The following GNA14 variants were observed in gnomAD, a reference collection of about 807,000 sequenced individuals.
The protein encoded by GNA14 is guanine nucleotide-binding protein subunit alpha-14.
A neutral mutation model predicts 42.0 loss-of-function variants in GNA14; 50 were observed. That is an observed-to-expected ratio of 1.19 (90% CI 0.95 to 1.51). GNA14 has a LOEUF of 1.51. Among genes scored for constraint, GNA14 ranks in the 40% most tolerant of loss-of-function variants. The pLI is 0.00. For missense variants in GNA14, 473 were observed against 446.2 expected (o/e 1.06, Z -0.54); for synonymous variants, 173 against 163.1 (o/e 1.06, Z -0.46).
chr9:77,477,605 T>G (rs2131725860), intron 2 of GNA14, among the ~76,000 whole-genome samples: 1 of 152,276 alleles, frequency 6.6e-6, no homozygotes, highest in South Asian at 2.1e-4. Flanking sequence ...AGTGCCTTGC[T>G]TCTAAGAAAG....
chr9:77,601,640 G>A (rs565584300), intron 1 of GNA14, among the ~76,000 whole-genome samples: 13 of 152,360 alleles, frequency 8.5e-5, no homozygotes, highest in Admixed American at 2.6e-4. Flanking sequence ...AGGAAGAGCA[G>A]TAAAATAATT....
rs574538365 is a variant in GNA14, at chr9:77,549,695, A to G, written c.125-20442T>C. Among the ~76,000 whole-genome samples the G allele has an allele frequency of 2.0e-5, 3 of 152,246 alleles. No homozygotes were observed. In the East Asian group the frequency reaches 5.8e-4, roughly 29 times the overall value. ...GACAATGTCCTACAATGGCTCTCCTATTCTGGGGCTCTTGGCGCCACCCTA... is the reference window on the plus strand; with the variant it reads ...GACAATGTCCTACAATGGCTCTCCTGTTCTGGGGCTCTTGGCGCCACCCTA... On this transcript the variant is annotated intron_variant, in intron 1 of 6. Coordinates refer to ENST00000341700, the MANE Select transcript of GNA14 (RefSeq NM_004297.4).
At chr9:77,558,921 A>G (rs1822833057) in intron 1 of GNA14, among the ~76,000 whole-genome samples, 1 of 131,686 alleles carries the variant, frequency 7.6e-6, no homozygotes, top group Non-Finnish European at 1.5e-5. Context: ...GTGTTAAAAA[A>G]CAAAAAACAA....
intron 2 of GNA14, among the ~76,000 whole-genome samples, chr9:77,511,268 G>A (rs555257057): frequency 1.1e-4 from 16 of 152,116 alleles, no homozygotes; most frequent in African/African-American, 3.6e-4. Context: ...TAGCCATAAA[G>A]GTACAATTTC....
intron 1 of GNA14, chr9:77,580,404 G>A: frequency 3.2e-6 from 1 of 310,674 alleles, no homozygotes; most frequent in Non-Finnish European, 6.8e-6. Flanking sequence ...TGCCATTGTG[G>A]AGAAGTTGTC....
chr9:77,464,076 C>T (rs1836167181), intron 2 of GNA14, among the ~76,000 whole-genome samples: 1 of 152,070 alleles, frequency 6.6e-6, no homozygotes, highest in African/African-American at 2.4e-5. Flanking sequence ...TCTCAGGTCA[C>T]TGCAACCTCA....
In GNA14 at chr9:77,488,626, T is replaced by A. The variant is rs946083223; in HGVS notation, c.309+40443A>T. 4.6e-5 allele frequency among the ~76,000 whole-genome samples: 7 copies of A among 152,084 alleles called. No homozygotes were observed. In the South Asian group the frequency reaches 1.5e-3, roughly 32 times the overall value. On this transcript the variant is annotated intron_variant, in intron 2 of 6. Coordinates refer to ENST00000341700, the MANE Select transcript of GNA14 (RefSeq NM_004297.4). ...ACTACTAAGAATCCCATTTGGGACC[T>A]CACCCATTCAGATGGGCAGCACTCT...
chr9:77,604,886 T>C (rs1823625266), intron 1 of GNA14, among the ~76,000 whole-genome samples: 1 of 152,242 alleles, frequency 6.6e-6, no homozygotes, highest in Non-Finnish European at 1.5e-5. Flanking sequence ...ATTCCAGTCC[T>C]CTGGTGGATG....
At chr9:77,608,717 G>A (rs925172960) in intron 1 of GNA14, among the ~76,000 whole-genome samples, 16 of 139,446 alleles carry the variant, frequency 1.1e-4, no homozygotes, top group Admixed American at 2.9e-4. Flanking sequence ...GACAATGTAC[G>A]AAGCCCAATA....
intron 1 of GNA14, among the ~76,000 whole-genome samples, chr9:77,600,538 C>G (rs1823540768): frequency 6.6e-6 from 1 of 152,160 alleles, no homozygotes; most frequent in Non-Finnish European, 1.5e-5. Context: ...CACATGGCAC[C>G]CCGGCGTTGG....
intron 1 of GNA14, among the ~76,000 whole-genome samples, chr9:77,566,168 T>C (rs1822965209): frequency 1.4e-5 from 2 of 143,962 alleles, no homozygotes; most frequent in East Asian, 2.0e-4. Flanking sequence ...TTTTTTTTTT[T>C]TTCTGAGACA....
intron 1 of GNA14, among the ~76,000 whole-genome samples, chr9:77,535,642 G>T (rs929705208): frequency 6.6e-6 from 1 of 152,168 alleles, no homozygotes; most frequent in African/African-American, 2.4e-5. Context: ...CTAAGTGCAG[G>T]ACAGCATCCA....
At chr9:77,511,873 G>T (rs186355247) in intron 2 of GNA14, among the ~76,000 whole-genome samples, 62 of 152,290 alleles carry the variant, frequency 4.1e-4, no homozygotes, top group Admixed American at 1.7e-3. Context: ...CAACCAGAAG[G>T]CCTCTAATTT....
chr9:77,535,142 C>G (rs10869936), intron 1 of GNA14, among the ~76,000 whole-genome samples: 22,641 of 152,256 alleles, frequency 0.15, 2,318 homozygotes, highest in Admixed American at 0.28. Flanking sequence ...TGGGGGCACT[C>G]TGCTTGGCCC....
chr9:77,427,965 G>A (rs571207487), intron 5 of GNA14, among the ~76,000 whole-genome samples: 11 of 152,290 alleles, frequency 7.2e-5, no homozygotes, highest in East Asian at 1.9e-4. Flanking sequence ...AGTGCTGCTC[G>A]GCATTGGTTG....
Position 77,478,490 on chromosome 9 carries a change from A to C in GNA14, c.310-43968T>G, listed in dbSNP as rs370118929. ...GTGAATAGTGCCGCAATAAACATACATGTGCATGTGTCTTTATAGCAGCAT... is the reference window on the plus strand; with the variant it reads ...GTGAATAGTGCCGCAATAAACATACCTGTGCATGTGTCTTTATAGCAGCAT... On this transcript the variant is annotated intron_variant, in intron 2 of 6. Coordinates refer to ENST00000341700, the MANE Select transcript of GNA14 (RefSeq NM_004297.4). Among the ~76,000 whole-genome samples, 134 of 152,192 alleles carry C rather than the reference A, an allele frequency of 8.8e-4. 1 individual carries two copies. In the East Asian group the frequency reaches 0.02, roughly 23 times the overall value.
intron 1 of GNA14, among the ~76,000 whole-genome samples, chr9:77,585,549 A>C (rs1823289835): frequency 6.6e-6 from 1 of 152,134 alleles, no homozygotes; most frequent in African/African-American, 2.4e-5. Flanking sequence ...CACCCTTGTG[A>C]CCATTTCTCT....
chr9:77,618,928 C>T (rs1823878265), intron 1 of GNA14, among the ~76,000 whole-genome samples: 1 of 151,620 alleles, frequency 6.6e-6, no homozygotes. Context: ...CCACCGCGCC[C>T]GGCCTTGAAT....
chr9:77,625,257 C>A (rs1473549587), intron 1 of GNA14, among the ~76,000 whole-genome samples: 1 of 151,790 alleles, frequency 6.6e-6, no homozygotes, highest in Non-Finnish European at 1.5e-5. Context: ...GTGAAAAGAC[C>A]AAACCTACAT....
Sources: gnomAD v4.1 joint callset for allele counts (sites outside exome capture counted in the v4.1 genomes callset) on GRCh38, gnomAD v4.1.1 for gene constraint, MANE v1.5 for transcripts, NCBI Gene and HGNC (gene_info 2026-07-23, HGNC 2026-07-21) for gene names.